Variants in ANKS1B observed in about 807,000 individuals in gnomAD.
ANKS1B encodes the protein ankyrin repeat and sterile alpha motif domain-containing protein 1B.
ANKS1B carries 36 observed loss-of-function variants against 148.3 expected under a neutral mutation model. That is an observed-to-expected ratio of 0.24 (90% CI 0.19 to 0.32). The LOEUF is 0.32. Ranked by LOEUF, ANKS1B falls within the 10% of genes least tolerant of loss-of-function variation. The probability of loss-of-function intolerance (pLI) is 1.00; values close to 1 mark genes in which losing one functional copy is unlikely to be tolerated. For missense variants in ANKS1B, 1,157 were observed against 1,542.6 expected (o/e 0.75, Z 4.19); for synonymous variants, 542 against 560.8 (o/e 0.97, Z 0.47).
At chr12:98,891,078 G>C (rs993491491) in intron 17 of ANKS1B, among the ~76,000 whole-genome samples, 3 of 152,190 alleles carry the variant, frequency 2.0e-5, no homozygotes, top group African/African-American at 7.2e-5. Context: ...AAACACTAAA[G>C]AGATGAATCC....
At chr12:99,129,086 G>C (rs1448219896) in intron 15 of ANKS1B, among the ~76,000 whole-genome samples, 1 of 152,170 alleles carries the variant, frequency 6.6e-6, no homozygotes, top group Non-Finnish European at 1.5e-5. Context: ...GTAGCAGATA[G>C]AGGAGGTCCA....
chr12:99,949,802 G>A (rs916920214), intron 1 of ANKS1B, among the ~76,000 whole-genome samples: 5 of 152,118 alleles, frequency 3.3e-5, no homozygotes, highest in East Asian at 1.9e-4. Context: ...GAACACAGCC[G>A]TGTCCACTCA....
At chr12:99,648,847 G>A (rs2098399163) in intron 9 of ANKS1B, 1 of 1,533,624 alleles carries the variant, frequency 6.5e-7, no homozygotes, top group Non-Finnish European at 8.8e-7. Context: ...GCAGGTACAG[G>A]TCCTGTAAAG....
chr12:98,840,280 C>A (rs549857060), intron 17 of ANKS1B, among the ~76,000 whole-genome samples: 1 of 152,262 alleles, frequency 6.6e-6, no homozygotes, highest in Non-Finnish European at 1.5e-5. Context: ...TTTCCCTTTA[C>A]CTCTGCCACT....
intron 1 of ANKS1B, among the ~76,000 whole-genome samples, chr12:99,919,969 T>C (rs2094302767): frequency 2.0e-5 from 3 of 152,294 alleles, no homozygotes; most frequent in Admixed American, 2.0e-4. Context: ...AAATTTTAAA[T>C]TTACATAAGT....
chr12:99,534,536 G>A (rs2097041837), intron 9 of ANKS1B, among the ~76,000 whole-genome samples: 1 of 152,008 alleles, frequency 6.6e-6, no homozygotes, highest in South Asian at 2.1e-4. Flanking sequence ...ATATACATTC[G>A]AGGCTGTGAA....
intron 15 of ANKS1B, among the ~76,000 whole-genome samples, chr12:99,113,755 C>A (rs2060768306): frequency 6.6e-6 from 1 of 152,162 alleles, no homozygotes; most frequent in South Asian, 2.1e-4. Context: ...AACTTCCTCT[C>A]TTTCCAGGGT....
intron 17 of ANKS1B, among the ~76,000 whole-genome samples, chr12:98,991,764 C>A (rs1174358222): frequency 6.6e-6 from 1 of 152,112 alleles, no homozygotes. Flanking sequence ...TAGTAGAAAC[C>A]AATATTAGAT....
chr12:99,697,520 C>T (rs1320701389), intron 8 of ANKS1B, among the ~76,000 whole-genome samples: 1 of 152,060 alleles, frequency 6.6e-6, no homozygotes, highest in African/African-American at 2.4e-5. Context: ...AACTATATGA[C>T]ATTCTGAAAA....
chr12:99,816,719 T>A (rs2069220915), intron 2 of ANKS1B, among the ~76,000 whole-genome samples: 1 of 151,702 alleles, frequency 6.6e-6, no homozygotes, highest in Non-Finnish European at 1.5e-5. Flanking sequence ...ATAAGTAGAA[T>A]AAAGTGTTAA....
chr12:99,806,048 T>C (rs1332591212), intron 4 of ANKS1B, among the ~76,000 whole-genome samples: 1 of 152,244 alleles, frequency 6.6e-6, no homozygotes, highest in Non-Finnish European at 1.5e-5. Context: ...TACTCAACAA[T>C]GTTAAAGTGA....
intron 1 of ANKS1B, among the ~76,000 whole-genome samples, chr12:99,925,734 T>G (rs573201167): frequency 4.6e-5 from 7 of 152,310 alleles, no homozygotes; most frequent in African/African-American, 1.4e-4. Context: ...CAAACTAGTT[T>G]TACTTATTAA....
chr12:99,944,933 G>T lies in ANKS1B; in HGVS notation c.134+39171C>A, dbSNP rs139243776. On this transcript the variant is annotated intron_variant, in intron 1 of 26. Transcript: ENST00000683438. ...GATTTAGACATGCTGAAATGGGGATGGGGAGAGGTAGCCAGGTGAAGGAAG... is the reference window on the plus strand; with the variant it reads ...GATTTAGACATGCTGAAATGGGGATTGGGAGAGGTAGCCAGGTGAAGGAAG... Among the ~76,000 whole-genome samples, 412 of 152,176 alleles carry T rather than the reference G, an allele frequency of 2.7e-3. 1 individual carries two copies. Among genetic ancestry groups the T allele is most frequent in the African/African-American group, 9.5e-3 (393 of 41,532 alleles).
intron 17 of ANKS1B, among the ~76,000 whole-genome samples, chr12:99,012,756 T>G (rs550562594): frequency 1.7e-4 from 26 of 152,196 alleles, no homozygotes; most frequent in Non-Finnish European, 3.5e-4. Flanking sequence ...TACTATGATA[T>G]TCATCAATTT....
chr12:99,359,741 T>C (rs1367797876), intron 12 of ANKS1B, among the ~76,000 whole-genome samples: 4 of 152,164 alleles, frequency 2.6e-5, no homozygotes, highest in Non-Finnish European at 5.9e-5. Flanking sequence ...ATGCTTCAAG[T>C]ATCGATCAAC....
intron 19 of ANKS1B, among the ~76,000 whole-genome samples, chr12:98,808,573 C>A (rs1470291100): frequency 6.6e-6 from 1 of 152,024 alleles, no homozygotes; most frequent in Non-Finnish European, 1.5e-5. Flanking sequence ...AAGCAGAAAC[C>A]CTTGGGAACA....
In ANKS1B at chr12:98,744,343, A is replaced by G. The variant is rs1429367276; in HGVS notation, c.*1396T>C. 2.2e-6 allele frequency: 2 copies of G among 907,044 alleles called. No individual in the cohort carries two copies. The highest frequency in any genetic ancestry group is 2.6e-6 in the Non-Finnish European group (2 of 758,216). The allele number at this position is 907,044 out of a possible 1,614,324, so 56.2% of individuals were successfully genotyped here. On this transcript the variant is annotated 3_prime_UTR_variant, in exon 27 of 27. Coordinates refer to ENST00000683438, the MANE Select transcript of ANKS1B (RefSeq NM_001352186.2). ...CACCAACTGATGAATGTAACTGATC[A>G]TCTCAGTTAGGTTTAAAATAATGTC...
At chr12:99,966,566 T>TA (rs2095487188) in intron 1 of ANKS1B, among the ~76,000 whole-genome samples, 2 of 152,170 alleles carry the variant, frequency 1.3e-5, no homozygotes, top group African/African-American at 2.4e-5. Flanking sequence ...TGTGAGTTTT[T>TA]ATGCCCTAGT....
chr12:99,141,428 T>G (rs1299342310), intron 15 of ANKS1B, among the ~76,000 whole-genome samples: 1 of 151,908 alleles, frequency 6.6e-6, no homozygotes, highest in Admixed American at 6.6e-5. Flanking sequence ...ACCTTCAACT[T>G]TTATTTTAAG....
Sources: allele counts gnomAD v4.1 joint callset (sites outside exome capture counted in the v4.1 genomes callset), GRCh38; gene constraint gnomAD v4.1.1; transcripts MANE v1.5; gene names NCBI Gene and HGNC (gene_info 2026-07-23, HGNC 2026-07-21).